The following PDSS1 variants were observed in gnomAD, a reference collection of about 807,000 sequenced individuals.
PDSS1 encodes the protein decaprenyl diphosphate synthase subunit 1.
PDSS1 carries 43 observed loss-of-function variants against 57.5 expected under a neutral mutation model. The observed-to-expected ratio is 0.75, with a 90% CI of 0.59 to 0.96. PDSS1 has a LOEUF of 0.96. PDSS1 is among the 50% of genes least tolerant of loss of function. The probability of loss-of-function intolerance (pLI) is 0.00; values close to 1 mark genes in which losing one functional copy is unlikely to be tolerated. For synonymous variants in PDSS1, 175 were observed against 191.3 expected, an observed-to-expected ratio of 0.91 and a Z score of 0.70; for missense variants, 438 against 527.8, an observed-to-expected ratio of 0.83 and a Z score of 1.67.
chr10:26,746,498 G>GCTAT lies in PDSS1; in HGVS notation c.*28_*31dup, dbSNP rs771227381. The GCTAT allele has an allele frequency of 3.0e-5, 48 of 1,612,222 alleles. No individual in the cohort carries two copies. Among genetic ancestry groups the GCTAT allele is most frequent in the African/African-American group, 1.5e-4 (11 of 74,860 alleles). On this transcript the variant is annotated 3_prime_UTR_variant, in exon 12 of 12. Transcript: ENST00000376215. ...ACAACTCTTTCTGTTCTTTCTGGCA[G>GCTAT]CTATCTTACCAGACTGTGCCTAAAG...
intron 8 of PDSS1, among the ~76,000 whole-genome samples, chr10:26,725,517 GT>G (rs58406193): frequency 1.8e-4 from 27 of 149,168 alleles, no homozygotes; most frequent in East Asian, 7.8e-4. Flanking sequence ...AATTATGTGG[GT>G]TTTTTTTTTA....
chr10:26,697,951 G>A, intron 1 of PDSS1, 111 bp downstream of exon 1: 2 of 1,018,886 alleles, frequency 2.0e-6, no homozygotes, highest in Non-Finnish European at 2.5e-6. Context: ...GCGGGGGCGC[G>A]CGGGGTAGCT....
chr10:26,707,138 A>T (rs1377574099), intron 4 of PDSS1, among the ~76,000 whole-genome samples: 1 of 151,924 alleles, frequency 6.6e-6, no homozygotes, highest in Non-Finnish European at 1.5e-5. Flanking sequence ...AGTGTTGGGG[A>T]GGGGAGCATG....
intron 8 of PDSS1, among the ~76,000 whole-genome samples, chr10:26,731,847 A>G (rs1836213118): frequency 1.3e-5 from 2 of 152,228 alleles, no homozygotes; most frequent in South Asian, 2.1e-4. Flanking sequence ...GCTGGAGTGC[A>G]GTGGCACGAT....
At chr10:26,705,252 A>G in intron 3 of PDSS1, 34 bp from the exon 4 acceptor site, 1 of 1,215,190 alleles carries the variant, frequency 8.2e-7, no homozygotes, top group Non-Finnish European at 1.2e-6. Context: ...AACTTACTTG[A>G]AAATGAAGTC....
At chr10:26,729,034 C>T (rs1836072149) in intron 8 of PDSS1, among the ~76,000 whole-genome samples, 1 of 152,080 alleles carries the variant, frequency 6.6e-6, no homozygotes, top group African/African-American at 2.4e-5. Flanking sequence ...CCCACCTCGG[C>T]CTCCCAAAGT....
intron 6 of PDSS1, among the ~76,000 whole-genome samples, chr10:26,721,132 C>T (rs1264768664): frequency 6.6e-6 from 1 of 151,906 alleles, no homozygotes; most frequent in Non-Finnish European, 1.5e-5. Flanking sequence ...AAGGCAAAAC[C>T]CTGTCACCAC....
intron 5 of PDSS1, 85 bp downstream of exon 5, chr10:26,709,853 T>A: frequency 7.0e-7 from 1 of 1,437,792 alleles, no homozygotes; most frequent in Non-Finnish European, 9.8e-7. Context: ...ATTTCCCATT[T>A]AAGAATTAGC....
chr10:26,715,941 A>G (rs1216621073), intron 5 of PDSS1: 1 of 152,236 alleles, frequency 6.6e-6, no homozygotes, highest in African/African-American at 2.4e-5. Context: ...AACTTTGCAG[A>G]CATCCATTAT....
chr10:26,745,987 T>C (rs1448948687), intron 11 of PDSS1, among the ~76,000 whole-genome samples: 12 of 152,224 alleles, frequency 7.9e-5, no homozygotes, highest in Non-Finnish European at 1.2e-4. Flanking sequence ...GTTTTACTTG[T>C]GTTTTTTTTA....
chr10:26,700,007 G>T (rs954115451), intron 1 of PDSS1, among the ~76,000 whole-genome samples: 2 of 152,134 alleles, frequency 1.3e-5, no homozygotes, highest in African/African-American at 4.8e-5. Flanking sequence ...ACAAAGAGCG[G>T]CAATAATTAA....
intron 4 of PDSS1, among the ~76,000 whole-genome samples, chr10:26,706,726 C>T (rs1013926288): frequency 6.6e-6 from 1 of 152,178 alleles, no homozygotes; most frequent in Non-Finnish European, 1.5e-5. Context: ...TGCACTGGGG[C>T]CCCCTTTCCA....
At chr10:26,735,424 G>T in intron 9 of PDSS1, 42 bp from the exon 10 acceptor site, 1 of 1,420,036 alleles carries the variant, frequency 7.0e-7, no homozygotes, top group Admixed American at 1.7e-5. Flanking sequence ...CAGCAGTGTT[G>T]GCATGGCGGT....
At chr10:26,721,529 G>C (rs1835785786) in intron 6 of PDSS1, among the ~76,000 whole-genome samples, 1 of 151,764 alleles carries the variant, frequency 6.6e-6, no homozygotes, top group African/African-American at 2.4e-5. Context: ...ATCGAGTCTT[G>C]CAATTTCATT....
intron 5 of PDSS1, among the ~76,000 whole-genome samples, chr10:26,713,584 A>G (rs907507982): frequency 6.6e-6 from 1 of 152,204 alleles, no homozygotes; most frequent in South Asian, 2.1e-4. Flanking sequence ...AAGGATTTCT[A>G]TGGCTTACAG....
intron 5 of PDSS1, 159 bp from the exon 6 acceptor site, chr10:26,720,059 T>G: frequency 1.1e-6 from 1 of 943,936 alleles, no homozygotes; most frequent in South Asian, 1.6e-5. Context: ...CATTTGTAAA[T>G]GTATAGAAAT....
In PDSS1 at chr10:26,746,540, CTT is replaced by C. The variant is rs1836927895; in HGVS notation, c.*69_*70del. On this transcript the variant is annotated 3_prime_UTR_variant, in exon 12 of 12. Transcript: ENST00000376215. ...TGCCTAAAGAATTTTGTGGAATACA[CTT>C]TGTTTGCTTCATGTGCAGATAACCA... 12 of 1,520,478 alleles carry C rather than the reference CTT, an allele frequency of 7.9e-6. No individual in the cohort carries two copies. The highest frequency in any genetic ancestry group is 1.4e-5 in the African/African-American group (1 of 72,936). 94.2% of individuals were successfully genotyped at this position (1,520,478 alleles called of 1,614,324 possible). A position where few individuals can be genotyped will look rare whatever the true frequency, so the allele number is the denominator to read the frequency against.
In PDSS1 at chr10:26,740,996, A is replaced by T. The variant is rs143354076; in HGVS notation, c.1027-1501A>T. Among the ~76,000 whole-genome samples the T allele has an allele frequency of 7.9e-3, 1,203 of 151,596 alleles. 12 individuals carry two copies. Among genetic ancestry groups the T allele is most frequent in the African/African-American group, 0.027 (1,119 of 41,162 alleles). On this transcript the variant is annotated intron_variant, in intron 10 of 11. Transcript: ENST00000376215. ...TCTCTTCTTGCTATCATCTTAATTC[A>T]GGTCTTTTTTATAACCTACTCTAGT... is the stretch of plus-strand genomic sequence containing the variant.
intron 5 of PDSS1, among the ~76,000 whole-genome samples, chr10:26,716,858 G>T (rs1399156695): frequency 6.6e-6 from 1 of 152,176 alleles, no homozygotes; most frequent in South Asian, 2.1e-4. Flanking sequence ...ACCTCTCCCA[G>T]ATCCTGGGAA....
Sources: gnomAD v4.1 joint callset for allele counts (sites outside exome capture counted in the v4.1 genomes callset) on GRCh38, gnomAD v4.1.1 for gene constraint, MANE v1.5 for transcripts, NCBI Gene and HGNC (gene_info 2026-07-23, HGNC 2026-07-21) for gene names.